SMURF1: variants seen among roughly 807,000 people sequenced by gnomAD.
SMURF1 encodes E3 ubiquitin-protein ligase SMURF1.
Under a neutral mutation model 98.0 loss-of-function variants are expected in SMURF1, and 44 were observed. That is an observed-to-expected ratio of 0.45 (90% CI 0.35 to 0.58). The LOEUF is 0.58. Ranked by LOEUF, SMURF1 falls within the 20% of genes least tolerant of loss-of-function variation. SMURF1 has a pLI of 0.00. For synonymous variants in SMURF1, 396 were observed against 374.9 expected (o/e 1.06, Z -0.65); for missense variants, 687 against 938.4 (o/e 0.73, Z 3.50).
At chr7:99,051,524 G>T in intron 7 of SMURF1, 83 bp from the exon 8 acceptor site, 1 of 1,051,354 alleles carries the variant, frequency 9.5e-7, no homozygotes, top group Non-Finnish European at 1.5e-6. Context: ...CCTCACGTCT[G>T]GTATTATCTA....
chr7:99,079,831 C>T (rs1796543725), intron 1 of SMURF1, among the ~76,000 whole-genome samples: 1 of 151,948 alleles, frequency 6.6e-6, no homozygotes, highest in African/African-American at 2.4e-5. Flanking sequence ...CTTATTCATT[C>T]ACTAGAAACC....
chr7:99,142,380 C>G (rs1313136971), intron 1 of SMURF1, among the ~76,000 whole-genome samples: 1 of 151,810 alleles, frequency 6.6e-6, no homozygotes, highest in African/African-American at 2.4e-5. Flanking sequence ...ATTGAAGAAG[C>G]AGAGTTAAAA....
chr7:99,035,054 C>G (rs1217707896), intron 16 of SMURF1, among the ~76,000 whole-genome samples: 4 of 152,228 alleles, frequency 2.6e-5, no homozygotes, highest in Admixed American at 6.5e-5. Context: ...CACCCCACTT[C>G]CGGCGACCTC....
At position 99,114,372 on chromosome 7, in the gene SMURF1, G is replaced by A. The variant is rs572837732; in HGVS notation, c.55+29354C>T. Among the ~76,000 whole-genome samples the A allele has an allele frequency of 2.8e-4, 43 of 151,932 alleles. No homozygotes were observed. In the Middle Eastern group the frequency reaches 0.01, roughly 36 times the overall value. ...CAACTGCAGTGGCTATATTAATATCGGATAAAACAGACTTTAAGACAAAAA... is the reference window on the plus strand; with the variant it reads ...CAACTGCAGTGGCTATATTAATATCAGATAAAACAGACTTTAAGACAAAAA... On this transcript the variant is annotated intron_variant, in intron 1 of 17. Transcript: ENST00000361368.
rs539529227 is a variant in SMURF1, at chr7:99,029,044, A to T, written c.*1540T>A. 3.9e-5 allele frequency: 6 copies of T among 152,744 alleles called. No homozygotes were observed. Among genetic ancestry groups the T allele is most frequent in the Admixed American group, 1.3e-4 (2 of 15,304 alleles). 9.5% of individuals were successfully genotyped at this position (152,744 alleles called of 1,614,324 possible). A position where few individuals can be genotyped will look rare whatever the true frequency, so the allele number is the denominator to read the frequency against. On this transcript the variant is annotated 3_prime_UTR_variant, in exon 18 of 18. Transcript: ENST00000361368. ...ATGGGGGATTAAACTTTCCTCCTGCAGCAAACCTCATTTGGCAGCCCTTCT... is the reference window on the plus strand; with the variant it reads ...ATGGGGGATTAAACTTTCCTCCTGCTGCAAACCTCATTTGGCAGCCCTTCT...
At chr7:99,051,976 A>G (rs1272083467) in intron 7 of SMURF1, among the ~76,000 whole-genome samples, 1 of 151,958 alleles carries the variant, frequency 6.6e-6, no homozygotes, top group Non-Finnish European at 1.5e-5. Context: ...GGCGAGACCC[A>G]TTCTCTACAA....
At chr7:99,038,621 C>G (rs1021135508) in intron 13 of SMURF1, 96 bp from the exon 14 acceptor site, 3 of 1,469,768 alleles carry the variant, frequency 2.0e-6, no homozygotes, top group Admixed American at 4.0e-5. Flanking sequence ...AAACCCGGGG[C>G]TGCAAGACAG....
rs538410427 is a variant in SMURF1 at position 99,029,837 on chromosome 7, A to G, written c.*747T>C. The G allele has an allele frequency of 1.3e-5, 2 of 152,336 alleles. No homozygotes were observed. The highest frequency in any genetic ancestry group is 4.1e-4 in the South Asian group (2 of 4,828). 9.4% of individuals were successfully genotyped at this position (152,336 alleles called of 1,614,324 possible). The stretch of plus-strand genomic sequence containing the variant: ...TGGTGTTTTCACTGAAAAAAAAGTC[A>G]AACTGGACAGATAATGCAGCAAAAG... On this transcript the variant is annotated 3_prime_UTR_variant, in exon 18 of 18. Coordinates refer to ENST00000361368, the MANE Select transcript of SMURF1 (RefSeq NM_181349.3).
chr7:99,037,636 TAGTAGTACCAAAC>T (rs1795197968), intron 14 of SMURF1, among the ~76,000 whole-genome samples: 1 of 152,200 alleles, frequency 6.6e-6, no homozygotes, highest in African/African-American at 2.4e-5. Flanking sequence ...CACCACCAGC[TAGTAGTACCAAAC>T]CTTGGCATCA....
chr7:99,033,322 CT>C (rs944984965), intron 16 of SMURF1, among the ~76,000 whole-genome samples: 2 of 152,086 alleles, frequency 1.3e-5, no homozygotes, highest in African/African-American at 2.4e-5. Context: ...AATTCAGACA[CT>C]TTTTTGAGAC....
chr7:99,113,700 TG>T (rs1797374497), intron 1 of SMURF1, among the ~76,000 whole-genome samples: 1 of 150,808 alleles, frequency 6.6e-6, no homozygotes, highest in African/African-American at 2.4e-5. Context: ...AGTAGCTGGG[TG>T]TGGTGGCGGG....
intron 1 of SMURF1, among the ~76,000 whole-genome samples, chr7:99,071,345 C>T (rs1796316352): frequency 6.6e-6 from 1 of 152,182 alleles, no homozygotes; most frequent in South Asian, 2.1e-4. Context: ...CAGGCGTGAG[C>T]CACCGCGCCC....
At chr7:99,080,764 G>C (rs1796562387) in intron 1 of SMURF1, among the ~76,000 whole-genome samples, 1 of 152,156 alleles carries the variant, frequency 6.6e-6, no homozygotes, top group Non-Finnish European at 1.5e-5. Flanking sequence ...ACAAAAGCAA[G>C]CAAAATTACA....
intron 9 of SMURF1, 57 bp downstream of exon 9, chr7:99,049,506 A>G: frequency 6.4e-7 from 1 of 1,556,562 alleles, no homozygotes; most frequent in Non-Finnish European, 8.8e-7. Context: ...TACCAGTCCA[A>G]GAAAGCATTC....
At chr7:99,047,518 T>C in intron 10 of SMURF1, 166 bp downstream of exon 10, 1 of 676,912 alleles carries the variant, frequency 1.5e-6, no homozygotes, top group Non-Finnish European at 2.5e-6. Context: ...ATAAAATCAA[T>C]ACCTCAAATA....
chr7:99,069,945 C>G (rs1320051814), intron 1 of SMURF1, among the ~76,000 whole-genome samples: 1 of 152,244 alleles, frequency 6.6e-6, no homozygotes, highest in African/African-American at 2.4e-5. Context: ...ACAAAACACA[C>G]TTTAGCACCC....
In SMURF1 at chr7:99,037,261, A is replaced by G. The variant is rs559694853; in HGVS notation, c.1689-74T>C. On this transcript the variant is annotated intron_variant, in intron 14 of 17. Coordinates refer to ENST00000361368, the MANE Select transcript of SMURF1 (RefSeq NM_181349.3). ...CCATGGGCAGGTTTTTTTTGGAGAC[A>G]GGGTCTCACTCTGTCACCCAGGCTG... The G allele has an allele frequency of 5.7e-6, 9 of 1,589,570 alleles. No homozygotes were observed. The East Asian group carries it at 1.3e-4, about 24-fold the overall frequency.
rs769275213 is a variant in SMURF1 at position 99,057,216 on chromosome 7, C to T, written c.392G>A (p.Gly131Asp). The change falls in exon 5 of 18, where the codon GGC (glycine) becomes GAC (aspartate). Residue 131 changes from glycine to aspartate, a missense_variant. By Grantham distance (94) the Gly-to-Asp change is moderately conservative. This residue lies in a region of SMURF1 where 415 missense variants were observed against 508.4 expected (regional missense o/e 0.82). Coordinates refer to ENST00000361368, the MANE Select transcript of SMURF1 (RefSeq NM_181349.3). ...AAGAAAGTTCTTACCCACTATCTGGCCACGAACTGCATCAGTATCTGAGGG... is the reference window on the plus strand; with the variant it reads ...AAGAAAGTTCTTACCCACTATCTGGTCACGAACTGCATCAGTATCTGAGGG... ...LNPSDTDAVR[G>D]QIVVSLQTRD... The T allele has an allele frequency of 1.9e-6, 3 of 1,613,850 alleles. No individual in the cohort carries two copies.
At position 99,028,567 on chromosome 7, in the gene SMURF1, C is replaced by CT. The variant is rs1227098757; in HGVS notation, c.*2016dup. Reference sequence around the variant, plus strand: ...CAGCATGGGGATGGCGGTGCAGCTGCTAAGGCTCGCCCCCGACTCCTCCCA... The same window carrying CT: ...CAGCATGGGGATGGCGGTGCAGCTGCTTAAGGCTCGCCCCCGACTCCTCCCA... On this transcript the variant is annotated 3_prime_UTR_variant, in exon 18 of 18. Transcript: ENST00000361368. The CT allele has an allele frequency of 6.6e-6, 1 of 152,242 alleles. No individual in the cohort carries two copies. The highest frequency in any genetic ancestry group is 1.5e-5 in the Non-Finnish European group (1 of 68,096). The allele number at this position is 152,242 out of a possible 1,614,324, so 9.4% of individuals were successfully genotyped here.
Sources: allele counts gnomAD v4.1 joint callset (sites outside exome capture counted in the v4.1 genomes callset), GRCh38; gene constraint gnomAD v4.1.1; regional missense constraint gnomAD v4.1.1; transcripts MANE v1.5; gene names NCBI Gene and HGNC (gene_info 2026-07-23, HGNC 2026-07-21).